Variants in CUX1 observed in about 807,000 individuals in gnomAD.
CUX1 encodes the protein cut like homeobox 1, also known as protein CASP.
In CUX1, 31 loss-of-function variants were observed where a neutral mutation model predicts 158.8. The observed-to-expected ratio is 0.20, with a 90% CI of 0.15 to 0.26. The LOEUF (loss-of-function observed/expected upper bound fraction) is 0.26, where lower values mean the gene tolerates loss of function less well. Among genes scored for constraint, CUX1 ranks in the 10% least tolerant of loss-of-function variants. The probability of loss-of-function intolerance (pLI) is 1.00; values close to 1 mark genes in which losing one functional copy is unlikely to be tolerated. For missense variants in CUX1, 1,589 were observed against 2,014.6 expected, an observed-to-expected ratio of 0.79 and a Z score of 4.04; for synonymous variants, 879 against 862.1, an observed-to-expected ratio of 1.02 and a Z score of -0.34.
rs1374093340 is a variant in CUX1 at position 102,253,305 on chromosome 7, A to T, written c.*4263A>T. The stretch of plus-strand genomic sequence containing the variant: ...ATCTCCCTCCTTGGCCAGGGCCAGC[A>T]TCAGGCGTGCAGCTCATGACCAGTT... On this transcript the variant is annotated 3_prime_UTR_variant, in exon 24 of 24. Coordinates refer to ENST00000292535, the MANE Select transcript of CUX1 (RefSeq NM_181552.4). 3.0e-6 allele frequency: 3 copies of T among 985,488 alleles called. No homozygotes were observed. Among genetic ancestry groups the T allele is most frequent in the Non-Finnish European group, 3.6e-6 (3 of 830,066 alleles). The allele number at this position is 985,488 out of a possible 1,614,324, so 61.0% of individuals were successfully genotyped here. A position where few individuals can be genotyped will look rare whatever the true frequency, so the allele number is the denominator to read the frequency against.
rs1563385953 is a variant in CUX1 at position 102,195,525 on chromosome 7, G to C, written c.1144G>C (p.Glu382Gln). 6.2e-7 allele frequency: 1 copy of C among 1,612,732 alleles called. No homozygotes were observed. ...AGTQDAAKPL[E>Q]VLLLEKNRSL... ...CTTCTAGGATGCGGCCAAGCCCCTG[G>C]AGGTGCTGTTGCTGGAGAAGAACCG... The change falls in exon 14 of 24, where the codon GAG becomes CAG. Residue 382 changes from glutamate (E) to glutamine (Q), a missense_variant. This residue lies in a region of CUX1 where 515 missense variants were observed against 574.4 expected (regional missense o/e 0.90). Transcript: ENST00000292535.
rs966586258 is a variant in CUX1, at chr7:101,821,547, C to G, written c.30+3878C>G. On this transcript the variant is annotated intron_variant, in intron 1 of 23. Transcript: ENST00000292535. ...TAGAGACGGGGTTTCACCGTGTTAG[C>G]CCGGATGGTCTCGATCTCCTCACTT... 4.6e-5 allele frequency among the ~76,000 whole-genome samples: 7 copies of G among 151,240 alleles called. No homozygotes were observed. The South Asian group carries it at 1.0e-3, about 22-fold the overall frequency.
At chr7:102,128,669 T>G (rs928915550) in intron 8 of CUX1, among the ~76,000 whole-genome samples, 8 of 151,754 alleles carry the variant, frequency 5.3e-5, no homozygotes, top group Non-Finnish European at 2.9e-5. Flanking sequence ...GTTTCCTTAC[T>G]CAGACCTTAG....
intron 11 of CUX1, among the ~76,000 whole-genome samples, chr7:102,184,898 G>A (rs1400576513): frequency 6.6e-5 from 10 of 151,910 alleles, no homozygotes; most frequent in East Asian, 1.9e-4. Flanking sequence ...CTCCTGCCTC[G>A]GCCTCCCAAA....
intron 3 of CUX1, among the ~76,000 whole-genome samples, chr7:102,036,766 A>G (rs925302700): frequency 6.6e-6 from 1 of 151,418 alleles, no homozygotes; most frequent in Non-Finnish European, 1.5e-5. Context: ...ACAAACAAAA[A>G]AAAAAAAAAA....
chr7:102,111,857 C>T (rs576512885), intron 7 of CUX1, 83 bp downstream of exon 7: 5 of 1,233,240 alleles, frequency 4.1e-6, no homozygotes, highest in Admixed American at 1.9e-5. Flanking sequence ...GCCCCGGTCC[C>T]CGCGGATACC....
chr7:101,914,734 G>A (rs1005029103), intron 1 of CUX1, among the ~76,000 whole-genome samples: 3 of 151,822 alleles, frequency 2.0e-5, no homozygotes, highest in Non-Finnish European at 4.4e-5. Context: ...CCTGACCTCG[G>A]GTGATCCACC....
At chr7:102,195,654 G>T (rs562730632) in intron 14 of CUX1, 51 bp downstream of exon 14, 1 of 1,503,514 alleles carries the variant, frequency 6.7e-7, no homozygotes, top group Non-Finnish European at 9.0e-7. Context: ...GCTTCCAGGG[G>T]TCGGTCGAGG....
rs561186855 is a variant in CUX1 at position 102,191,501 on chromosome 7, G to A, written c.1076+1630G>A. Among the ~76,000 whole-genome samples, 250 of 152,226 alleles carry A rather than the reference G, an allele frequency of 1.6e-3. 2 individuals carry two copies. The highest frequency in any genetic ancestry group is 5.6e-3 in the African/African-American group (231 of 41,548). On this transcript the variant is annotated intron_variant, in intron 12 of 23. Coordinates refer to ENST00000292535, the MANE Select transcript of CUX1 (RefSeq NM_181552.4). The stretch of plus-strand genomic sequence containing the variant: ...ACCCACCTCAGCCTCCCAAAGTGCC[G>A]GGATTACATGTAACTTATTATTAAA...
In CUX1 at chr7:101,916,087, C is replaced by T; in HGVS notation, c.31-28C>T. The stretch of plus-strand genomic sequence containing the variant: ...CTAGTACACAGTGCAATTACAATCT[C>T]ACTTTTCCTTTCCTGTTTCCCCAAC... On this transcript the variant is annotated intron_variant, in intron 1 of 23. Coordinates refer to ENST00000292535, the MANE Select transcript of CUX1 (RefSeq NM_181552.4). This position sits in a 1 kb window ranked among gnomAD's most constrained non-coding sequence, Gnocchi z 4.4. 2 of 1,514,080 alleles carry T rather than the reference C, an allele frequency of 1.3e-6. No homozygotes were observed. The highest frequency in any genetic ancestry group is 1.8e-6 in the Non-Finnish European group (2 of 1,089,450). The allele number at this position is 1,514,080 out of a possible 1,614,324, so 93.8% of individuals were successfully genotyped here. A position where few individuals can be genotyped will look rare whatever the true frequency, so the allele number is the denominator to read the frequency against.
exon 23 of CUX1, chr7:102,283,348 A>C (rs1554549998): frequency 1.9e-6 from 1 of 518,756 alleles, no homozygotes; most frequent in African/African-American, 1.9e-5. Context: ...CCCCCACCTC[A>C]GGTTAGGGCT....
At position 102,106,418 on chromosome 7, in the gene CUX1, A is replaced by G. The variant is rs575861165; in HGVS notation, c.530+1959A>G. On this transcript the variant is annotated intron_variant, in intron 6 of 23. Coordinates refer to ENST00000292535, the MANE Select transcript of CUX1 (RefSeq NM_181552.4). Reference sequence around the variant, plus strand: ...TGAATTTTTCTAAGGTGGGCTCTGTAACAATATCATTGGGTTAGGAGGTGG... The same window carrying G: ...TGAATTTTTCTAAGGTGGGCTCTGTGACAATATCATTGGGTTAGGAGGTGG... Among the ~76,000 whole-genome samples, 6 of 152,200 alleles carry G rather than the reference A, an allele frequency of 3.9e-5. No individual in the cohort carries two copies. In the South Asian group the frequency reaches 1.0e-3, roughly 26 times the overall value.
chr7:102,165,953 G>A (rs535730338), intron 9 of CUX1, among the ~76,000 whole-genome samples: 96 of 152,306 alleles, frequency 6.3e-4, no homozygotes, highest in African/African-American at 2.2e-3. Context: ...ACACGGTGTC[G>A]CTGGCTGCTT....
At chr7:101,880,362 G>A (rs1037645758) in intron 1 of CUX1, among the ~76,000 whole-genome samples, 13 of 152,082 alleles carry the variant, frequency 8.5e-5, no homozygotes, top group Non-Finnish European at 1.6e-4. Context: ...GTGCGTTCCC[G>A]GCAAGAATGA....
At chr7:101,863,379 C>G (rs1478327572) in intron 1 of CUX1, among the ~76,000 whole-genome samples, 1 of 142,420 alleles carries the variant, frequency 7.0e-6, no homozygotes, top group African/African-American at 2.6e-5. Flanking sequence ...GAGATGGAGT[C>G]TCCTTCTGTC....
chr7:102,024,795 T>A (rs1284676416), intron 2 of CUX1, among the ~76,000 whole-genome samples: 2 of 152,184 alleles, frequency 1.3e-5, no homozygotes, highest in Admixed American at 6.6e-5. Context: ...CCCTTTGTGT[T>A]ATATGTTGTC....
At chr7:102,238,913 G>A (rs1193209488) in intron 22 of CUX1, among the ~76,000 whole-genome samples, 3 of 152,210 alleles carry the variant, frequency 2.0e-5, no homozygotes, top group Middle Eastern at 3.4e-3. Context: ...TGTTTGAGAC[G>A]GAATCTTGCT....
At chr7:102,123,357 C>G (rs1283786294) in intron 8 of CUX1, among the ~76,000 whole-genome samples, 1 of 151,980 alleles carries the variant, frequency 6.6e-6, no homozygotes, top group Non-Finnish European at 1.5e-5. Flanking sequence ...TGCCTGTAAT[C>G]CCAGCACTTT....
Position 102,257,302 on chromosome 7 carries a change from A to G in CUX1, c.*8260A>G. ...GAAACAATGGTCCCCATCTCCCCAGAAGCCTTTTTTTTTTTCATTTTTCTC... is the reference window on the plus strand; with the variant it reads ...GAAACAATGGTCCCCATCTCCCCAGGAGCCTTTTTTTTTTTCATTTTTCTC... On this transcript the variant is annotated 3_prime_UTR_variant, in exon 24 of 24. Transcript: ENST00000292535. 1 of 979,356 alleles carries G rather than the reference A, an allele frequency of 1.0e-6. No individual in the cohort carries two copies. The highest frequency in any genetic ancestry group is 1.2e-6 in the Non-Finnish European group (1 of 827,636). The allele number at this position is 979,356 out of a possible 1,614,324, so 60.7% of individuals were successfully genotyped here. A position where few individuals can be genotyped will look rare whatever the true frequency, so the allele number is the denominator to read the frequency against.
Sources: allele counts gnomAD v4.1 joint callset (sites outside exome capture counted in the v4.1 genomes callset), GRCh38; gene constraint gnomAD v4.1.1; regional missense constraint gnomAD v4.1.1; non-coding constraint Gnocchi (gnomAD v3.1); transcripts MANE v1.5; gene names NCBI Gene and HGNC (gene_info 2026-07-23, HGNC 2026-07-21).